The following IGSF10 variants were observed in gnomAD, a reference collection of about 807,000 sequenced individuals.
The protein encoded by IGSF10 is immunoglobulin superfamily member 10, also known as calvaria mechanical force protein 608.
IGSF10 carries 126 observed loss-of-function variants against 128.2 expected under a neutral mutation model. That is an observed-to-expected ratio of 0.98 (90% CI 0.85 to 1.14). IGSF10 has a LOEUF of 1.14. Ranked by LOEUF, IGSF10 falls within the 50% of genes most tolerant of loss-of-function variation. The pLI is 0.00. For missense variants in IGSF10, 3,295 were observed against 3,149.8 expected, an observed-to-expected ratio of 1.05 and a Z score of -1.10; for synonymous variants, 1,185 against 1,146.2, an observed-to-expected ratio of 1.03 and a Z score of -0.68.
chr3:151,439,589 G>A (rs1269138670), intron 7 of IGSF10, among the ~76,000 whole-genome samples: 1 of 152,226 alleles, frequency 6.6e-6, no homozygotes, highest in Non-Finnish European at 1.5e-5. Context: ...ACTCTAGTCT[G>A]GGTGACAAAA....
the IGSF10 span, among the ~76,000 whole-genome samples, chr3:151,535,983 G>T: frequency 6.6e-6 from 1 of 152,146 alleles, no homozygotes; most frequent in African/African-American, 2.4e-5. Context: ...ACTTTCAGGG[G>T]CAGACTTTCA....
chr3:151,596,677 C>T, the IGSF10 span, among the ~76,000 whole-genome samples: 1 of 152,132 alleles, frequency 6.6e-6, no homozygotes, highest in East Asian at 1.9e-4. Flanking sequence ...TTACCTAGAC[C>T]AGCATTGAAC....
At position 151,443,474 on chromosome 3, in the gene IGSF10, G is replaced by C; in HGVS notation, c.5473C>G (p.Pro1825Ala). Reference sequence around the variant, plus strand: ...ACCAGCAGTGAATCCTGGCCACCTGGGTTGCTGGCCACACATTTGTAAAAG... The same window carrying C: ...ACCAGCAGTGAATCCTGGCCACCTGCGTTGCTGGCCACACATTTGTAAAAG... ...RGFYKCVASN[P>A]GGQDSLLVKI... is the part of the protein sequence containing the mutation. Residue 1825 changes from proline to alanine, a missense_variant, in exon 7 of 8, where the codon CCA (proline) becomes GCA (alanine). Transcript: ENST00000282466. 6.2e-7 allele frequency: 1 copy of C among 1,614,176 alleles called. No homozygotes were observed. The highest frequency in any genetic ancestry group is 1.1e-5 in the South Asian group (1 of 91,076).
intron 1 of IGSF10, among the ~76,000 whole-genome samples, chr3:151,460,733 G>GT (rs201403882): frequency 0.018 from 2,578 of 142,778 alleles, 62 homozygotes; most frequent in African/African-American, 0.049. Flanking sequence ...CTCAGTGTGT[G>GT]TTTTTTTTTT....
rs767519486 is a variant in IGSF10 at position 151,449,064 on chromosome 3, G to A, written c.917C>T (p.Pro306Leu). ...LEDSSSAFIS[P>L]QGFMAPFGSL... The stretch of plus-strand genomic sequence containing the variant: ...GCCAAAGGGTGCCATGAAACCTTGG[G>A]GAGAGATGAAAGCAGAACTACTGTC... The change falls in exon 6 of 8, where the codon CCC becomes CTC. Residue 306 changes from proline (P) to leucine (L), a missense_variant. Transcript: ENST00000282466. 2.5e-6 allele frequency: 4 copies of A among 1,614,072 alleles called. No homozygotes were observed. In the South Asian group the frequency reaches 4.4e-5, roughly 18 times the overall value.
At chr3:151,514,799 TG>T in the IGSF10 span, among the ~76,000 whole-genome samples, 1 of 152,010 alleles carries the variant, frequency 6.6e-6, no homozygotes, top group Non-Finnish European at 1.5e-5. Flanking sequence ...CATCAAAAAG[TG>T]GGCAAAGGAT....
chr3:151,524,623 A>G, the IGSF10 span, among the ~76,000 whole-genome samples: 1 of 152,098 alleles, frequency 6.6e-6, no homozygotes, highest in Non-Finnish European at 1.5e-5. Context: ...ACTGTGGTCT[A>G]CTTGAGTGTG....
At chr3:151,457,367 C>T (rs1286347613) in intron 3 of IGSF10, among the ~76,000 whole-genome samples, 3 of 152,236 alleles carry the variant, frequency 2.0e-5, no homozygotes, top group African/African-American at 2.4e-5. Flanking sequence ...AATCACCCCC[C>T]TCATATTCTG....
chr3:151,524,976 G>A, the IGSF10 span, among the ~76,000 whole-genome samples: 1 of 90,046 alleles, frequency 1.1e-5, no homozygotes. Context: ...GATAATCTTT[G>A]TAACAATTTT....
chr3:151,525,713 C>T, the IGSF10 span, among the ~76,000 whole-genome samples: 2 of 152,160 alleles, frequency 1.3e-5, no homozygotes, highest in Non-Finnish European at 2.9e-5. Context: ...TTACCACATG[C>T]CCCACTCCAT....
chr3:151,609,530 A>G, the IGSF10 span, among the ~76,000 whole-genome samples: 1 of 152,172 alleles, frequency 6.6e-6, no homozygotes, highest in Non-Finnish European at 1.5e-5. Flanking sequence ...TCCACAAAAA[A>G]AAAACACATG....
Position 151,448,232 on chromosome 3 carries a change from G to A in IGSF10, c.1749C>T (p.His583=). 1 of 1,614,154 alleles carries A rather than the reference G, an allele frequency of 6.2e-7. No individual in the cohort carries two copies. Among genetic ancestry groups the A allele is most frequent in the African/African-American group, 1.3e-5 (1 of 75,062 alleles). Residue 583 remains histidine (H), a synonymous_variant, in exon 6 of 8, where the codon CAC becomes CAT. Coordinates refer to ENST00000282466, the MANE Select transcript of IGSF10 (RefSeq NM_178822.5). ...VEAYQENGIH[H]TVFIGETLDL... ...CAAGTGTTTCACCAATGAAAACTGT[G>A]TGATGAATCCCATTTTCCTGATAGG...
intron 7 of IGSF10, chr3:151,440,570 C>T (rs1453540160): frequency 2.2e-6 from 1 of 456,776 alleles, no homozygotes; most frequent in Non-Finnish European, 4.4e-6. Flanking sequence ...GATTTAGCAA[C>T]TTGCCTTAGG....
At chr3:151,533,336 AAG>A in the IGSF10 span, among the ~76,000 whole-genome samples, 584 of 152,326 alleles carry the variant, frequency 3.8e-3, 2 homozygotes, top group African/African-American at 0.013. Flanking sequence ...GAACCAAAAA[AAG>A]AGCCCACATA....
At chr3:151,538,947 A>G in the IGSF10 span, among the ~76,000 whole-genome samples, 1 of 152,206 alleles carries the variant, frequency 6.6e-6, no homozygotes, top group African/African-American at 2.4e-5. Flanking sequence ...CCCAATAACA[A>G]TAATACTTCA....
the IGSF10 span, among the ~76,000 whole-genome samples, chr3:151,533,395 T>C: frequency 6.6e-6 from 1 of 152,314 alleles, no homozygotes; most frequent in East Asian, 1.9e-4. Context: ...TCACTCTGAC[T>C]TCAAACTATG....
At chr3:151,569,400 C>T in the IGSF10 span, among the ~76,000 whole-genome samples, 1 of 152,104 alleles carries the variant, frequency 6.6e-6, no homozygotes, top group African/African-American at 2.4e-5. Flanking sequence ...CACTTGTGTG[C>T]CTCTCATTTG....
chr3:151,518,274 T>A, the IGSF10 span, among the ~76,000 whole-genome samples: 2 of 152,014 alleles, frequency 1.3e-5, no homozygotes, highest in African/African-American at 2.4e-5. Context: ...ACCAATCTGG[T>A]TATTTCTGTA....
At chr3:151,539,409 A>C in the IGSF10 span, among the ~76,000 whole-genome samples, 597 of 152,300 alleles carry the variant, frequency 3.9e-3, 3 homozygotes, top group African/African-American at 0.013. Context: ...TGAGTGTTTG[A>C]GTGTTAAGGG....
Sources: gnomAD v4.1 joint callset for allele counts (sites outside exome capture counted in the v4.1 genomes callset) on GRCh38, gnomAD v4.1.1 for gene constraint, MANE v1.5 for transcripts, NCBI Gene and HGNC (gene_info 2026-07-23, HGNC 2026-07-21) for gene names.